Variants in FBXO7 observed in about 807,000 individuals in gnomAD.
FBXO7 encodes the protein F-box protein 7.
In FBXO7, 31 loss-of-function variants were observed where a neutral mutation model predicts 50.2. The observed-to-expected ratio is 0.62, with a 90% CI of 0.46 to 0.83. FBXO7 has a LOEUF of 0.83. Ranked by LOEUF, FBXO7 falls within the 40% of genes least tolerant of loss-of-function variation. The pLI is 0.00. For synonymous variants in FBXO7, 256 were observed against 253.1 expected, an observed-to-expected ratio of 1.01 and a Z score of -0.11; for missense variants, 667 against 646.6, an observed-to-expected ratio of 1.03 and a Z score of -0.34.
intron 2 of FBXO7, 74 bp downstream of exon 2, chr22:32,479,349 C>G: frequency 7.2e-7 from 1 of 1,389,636 alleles, no homozygotes; most frequent in Non-Finnish European, 1.0e-6. Flanking sequence ...GAATTCTGTT[C>G]CAGTCAGGAT....
At chr22:32,492,897 G>A (rs1355269438) in intron 6 of FBXO7, 1 of 615,178 alleles carries the variant, frequency 1.6e-6, no homozygotes, top group East Asian at 2.8e-5. Flanking sequence ...AGGGAATAAG[G>A]GCCTAGAGTT....
chr22:32,491,626 T>TTTAGATATATATGTCTATATAGAC (rs2057537664), intron 6 of FBXO7: 1 of 149,368 alleles, frequency 6.7e-6, no homozygotes. Flanking sequence ...TAGACATATA[T>TTTAGATATATATGTCTATATAGAC]AAATAATACA....
chr22:32,492,897 G>C (rs1355269438), intron 6 of FBXO7: 4 of 615,178 alleles, frequency 6.5e-6, no homozygotes, highest in South Asian at 5.7e-5. Context: ...AGGGAATAAG[G>C]GCCTAGAGTT....
chr22:32,493,145 A>G lies in FBXO7; in HGVS notation c.1008A>G (p.Pro336=). 10 of 1,614,130 alleles carry G rather than the reference A, an allele frequency of 6.2e-6. No homozygotes were observed. Among genetic ancestry groups the G allele is most frequent in the East Asian group, 2.2e-5 (1 of 44,874 alleles). Residue 336 remains proline (P), a synonymous_variant, in exon 7 of 9, where the codon CCA becomes CCG. Coordinates refer to ENST00000266087, the MANE Select transcript of FBXO7 (RefSeq NM_012179.4). ...ATGTATTTGGGTTGGTCGTCCTCCC[A>G]TTGGAACTGAAACTACGGATCTTCC... The part of the protein sequence containing the change: ...LPDVFGLVVL[P]LELKLRIFRL...
Position 32,485,086 on chromosome 22 carries a change from C to A in FBXO7, c.664C>A (p.Leu222Met), listed in dbSNP as rs1176428428. The A allele has an allele frequency of 1.9e-6, 3 of 1,614,192 alleles. No homozygotes were observed. The South Asian group carries it at 3.3e-5, about 18-fold the overall frequency. Residue 222 changes from leucine to methionine, a missense_variant, in exon 4 of 9, where the codon CTG (leucine) becomes ATG (methionine). Transcript: ENST00000266087. ...TCCCCAGGGCACCGAAGCCAAAGCA[C>A]TGTCCATGCCGGAGAAGTGGAAGTT... ...YIPQGTEAKALSMPEKWKLSG... is the reference protein window; with the variant it reads ...YIPQGTEAKAMSMPEKWKLSG...
chr22:32,483,541 G>A lies in FBXO7; in HGVS notation c.418-356G>A, dbSNP rs149370928. ...TGCTGGATGTCGGGAAATAAATGAT[G>A]AGAGTTTGAAGTGCCAATAGAGCAG... On this transcript the variant is annotated intron_variant, in intron 2 of 8. Transcript: ENST00000266087. Among the ~76,000 whole-genome samples, 382 of 152,304 alleles carry A rather than the reference G, an allele frequency of 2.5e-3. 4 individuals carry two copies. The highest frequency in any genetic ancestry group is 8.9e-3 in the African/African-American group (368 of 41,562).
intron 8 of FBXO7, among the ~76,000 whole-genome samples, chr22:32,497,085 T>C (rs1160923312): frequency 6.6e-6 from 1 of 152,234 alleles, no homozygotes; most frequent in Non-Finnish European, 1.5e-5. Flanking sequence ...ACTGAATTGC[T>C]GCAGTCTCAC....
At chr22:32,476,205 A>T (rs536017065) in intron 1 of FBXO7, among the ~76,000 whole-genome samples, 3 of 148,638 alleles carry the variant, frequency 2.0e-5, no homozygotes, top group East Asian at 2.0e-4. Flanking sequence ...CTTCCTGATT[A>T]AAAAAAAAAC....
At position 32,498,590 on chromosome 22, in the gene FBXO7, A is replaced by G; in HGVS notation, c.*60A>G. The G allele has an allele frequency of 1.9e-6, 3 of 1,551,262 alleles. No individual in the cohort carries two copies. Among genetic ancestry groups the G allele is most frequent in the Non-Finnish European group, 2.6e-6 (3 of 1,146,150 alleles). ...TTTTTGTTTCTAAACTACAGATGTCAACTCCTTGGGGTGCTGATCTCGAGT... is the reference window on the plus strand; with the variant it reads ...TTTTTGTTTCTAAACTACAGATGTCGACTCCTTGGGGTGCTGATCTCGAGT... On this transcript the variant is annotated 3_prime_UTR_variant, in exon 9 of 9. Coordinates refer to ENST00000266087, the MANE Select transcript of FBXO7 (RefSeq NM_012179.4).
chr22:32,495,699 CTTA>C (rs1263702305), intron 8 of FBXO7, among the ~76,000 whole-genome samples, 169 bp downstream of exon 8: 3 of 152,088 alleles, frequency 2.0e-5, no homozygotes, highest in Non-Finnish European at 2.9e-5. Flanking sequence ...AGACTCAATC[CTTA>C]TTATAATTAT....
At chr22:32,483,502 G>A (rs1283114768) in intron 2 of FBXO7, among the ~76,000 whole-genome samples, 2 of 152,208 alleles carry the variant, frequency 1.3e-5, no homozygotes, top group Non-Finnish European at 2.9e-5. Context: ...AGGGATACTT[G>A]CAACGGAAGC....
chr22:32,484,679 G>A (rs2057487162), intron 3 of FBXO7, among the ~76,000 whole-genome samples: 1 of 152,188 alleles, frequency 6.6e-6, no homozygotes, highest in African/African-American at 2.4e-5. Context: ...TGAATAGAAT[G>A]CTAGGGGATG....
chr22:32,496,900 G>T (rs965207075), intron 8 of FBXO7, among the ~76,000 whole-genome samples: 5 of 152,206 alleles, frequency 3.3e-5, no homozygotes, highest in Non-Finnish European at 1.5e-5. Context: ...TAGCCTTCTA[G>T]ATGCCATTAA....
At chr22:32,496,493 A>G (rs543335335) in intron 8 of FBXO7, among the ~76,000 whole-genome samples, 7 of 152,128 alleles carry the variant, frequency 4.6e-5, no homozygotes, top group African/African-American at 1.7e-4. Flanking sequence ...AAAAACAAAC[A>G]AAAAAACAAC....
rs763638390 is a variant in FBXO7, at chr22:32,487,832, A to G, written c.871+4A>G. 28 of 1,562,076 alleles carry G rather than the reference A, an allele frequency of 1.8e-5. No individual in the cohort carries two copies. Among genetic ancestry groups the G allele is most frequent in the Non-Finnish European group, 2.4e-5 (27 of 1,133,578 alleles). On this transcript the variant is annotated splice_donor_region_variant and intron_variant, in intron 5 of 8. Coordinates refer to ENST00000266087, the MANE Select transcript of FBXO7 (RefSeq NM_012179.4). ...TTTATTTGCAAAGAGAAACTAGGTA[A>G]TACAAACATTATTTAACTTTTGGGG...
At chr22:32,487,141 G>C (rs3788450) in intron 4 of FBXO7, 2 of 152,148 alleles carry the variant, frequency 1.3e-5, no homozygotes, top group Non-Finnish European at 2.9e-5. Context: ...CTTTGAAAAG[G>C]AGCAGTGTGT....
In FBXO7 at chr22:32,483,630, G is replaced by T. The variant is rs4820079; in HGVS notation, c.418-267G>T. On this transcript the variant is annotated intron_variant, in intron 2 of 8. Coordinates refer to ENST00000266087, the MANE Select transcript of FBXO7 (RefSeq NM_012179.4). ...AGGGAACTTTGAAGACTGATCAGAT[G>T]TGGAACAAGGTTTAGTTAGGGAGGG... Among the ~76,000 whole-genome samples the T allele has an allele frequency of 0.49, 74,947 of 151,930 alleles. 18,488 individuals carry two copies. The highest frequency in any genetic ancestry group is 0.61 in the East Asian group (3,151 of 5,138).
chr22:32,489,749 A>G (rs952136541), intron 5 of FBXO7: 1 of 152,248 alleles, frequency 6.6e-6, no homozygotes, highest in Non-Finnish European at 1.5e-5. Flanking sequence ...TGTTATAATG[A>G]AGTATTTTTA....
chr22:32,474,836 G>C lies in FBXO7; in HGVS notation c.-167G>C. 1 of 664,704 alleles carries C rather than the reference G, an allele frequency of 1.5e-6. No individual in the cohort carries two copies. The highest frequency in any genetic ancestry group is 2.4e-6 in the Non-Finnish European group (1 of 409,244). The allele number at this position is 664,704 out of a possible 1,614,324, so 41.2% of individuals were successfully genotyped here. The stretch of plus-strand genomic sequence containing the variant: ...GCTCTATTCCAGAGACCGAGTGGCA[G>C]GGCGGCCACTGTGGCGGGGCTCTTT... On this transcript the variant is annotated 5_prime_UTR_variant, in exon 1 of 9. Transcript: ENST00000266087.
Sources: allele counts gnomAD v4.1 joint callset (sites outside exome capture counted in the v4.1 genomes callset), GRCh38; gene constraint gnomAD v4.1.1; transcripts MANE v1.5; gene names NCBI Gene and HGNC (gene_info 2026-07-23, HGNC 2026-07-21).